The following GRID1 variants were observed in gnomAD, a reference collection of about 807,000 sequenced individuals.
GRID1 encodes glutamate receptor ionotropic, delta-1.
Under a neutral mutation model 98.0 loss-of-function variants are expected in GRID1, and 28 were observed. The ratio of observed to expected loss-of-function variants is 0.29; its 90% CI spans 0.21 to 0.39. GRID1 has a LOEUF of 0.39. Ranked by LOEUF, GRID1 falls within the 10% of genes least tolerant of loss-of-function variation. GRID1 has a pLI of 1.00. For missense variants in GRID1, 1,111 were observed against 1,340.5 expected (o/e 0.83, Z 2.67); for synonymous variants, 553 against 538.5 (o/e 1.03, Z -0.37).
intron 4 of GRID1, among the ~76,000 whole-genome samples, chr10:85,999,224 AAAAG>A (rs1554845411): frequency 7.3e-5 from 11 of 151,002 alleles, no homozygotes; most frequent in African/African-American, 1.2e-4. Flanking sequence ...AAAAAAAAAA[AAAAG>A]AAAGAAAGAA....
At chr10:85,649,756 G>A (rs777409784) in intron 12 of GRID1, among the ~76,000 whole-genome samples, 37 of 152,216 alleles carry the variant, frequency 2.4e-4, no homozygotes, top group South Asian at 1.0e-3. Flanking sequence ...CTCAGGGAAC[G>A]TCTCTGGTTA....
intron 4 of GRID1, among the ~76,000 whole-genome samples, chr10:86,129,055 G>A (rs1204235752): frequency 6.6e-6 from 1 of 152,220 alleles, no homozygotes; most frequent in African/African-American, 2.4e-5. Flanking sequence ...TCCCTGCCCT[G>A]TAGACAGAAA....
At chr10:85,604,819 T>G (rs1354307617) in intron 15 of GRID1, among the ~76,000 whole-genome samples, 1 of 152,244 alleles carries the variant, frequency 6.6e-6, no homozygotes, top group Admixed American at 6.5e-5. Context: ...ATAACCGTTA[T>G]ACAGTGTGTT....
At chr10:85,961,261 T>C (rs1842262901) in intron 4 of GRID1, among the ~76,000 whole-genome samples, 1 of 152,172 alleles carries the variant, frequency 6.6e-6, no homozygotes, top group Admixed American at 6.5e-5. Context: ...GGTTCTCCTC[T>C]GAGCCTGCCC....
intron 2 of GRID1, among the ~76,000 whole-genome samples, chr10:86,236,749 G>C (rs1055994995): frequency 6.6e-6 from 1 of 152,194 alleles, no homozygotes; most frequent in African/African-American, 2.4e-5. Context: ...ATGACAAGAC[G>C]TCTTGGCACA....
At chr10:85,738,723 G>A (rs552048352) in intron 8 of GRID1, among the ~76,000 whole-genome samples, 3 of 152,148 alleles carry the variant, frequency 2.0e-5, no homozygotes, top group African/African-American at 4.8e-5. Flanking sequence ...AAAGCATTAC[G>A]CCAAGTGAAT....
chr10:85,720,642 A>G (rs952890668), intron 12 of GRID1, among the ~76,000 whole-genome samples: 1 of 151,624 alleles, frequency 6.6e-6, no homozygotes, highest in African/African-American at 2.4e-5. Flanking sequence ...ACAAAAAAAA[A>G]AAAGAAAGAA....
chr10:86,122,131 C>T (rs1053007472), intron 4 of GRID1, among the ~76,000 whole-genome samples: 1 of 152,236 alleles, frequency 6.6e-6, no homozygotes, highest in African/African-American at 2.4e-5. Context: ...TACTCCAAGC[C>T]AGGCACTTCC....
At chr10:85,616,166 C>T (rs964754804) in intron 14 of GRID1, among the ~76,000 whole-genome samples, 11 of 152,224 alleles carry the variant, frequency 7.2e-5, no homozygotes, top group African/African-American at 2.7e-4. Context: ...CCAGCACTGA[C>T]ATGAGCGACC....
At chr10:85,727,779 C>A in intron 10 of GRID1, 76 bp downstream of exon 10, 3 of 1,096,500 alleles carry the variant, frequency 2.7e-6, no homozygotes, top group Admixed American at 3.5e-5. Context: ...TTCCACTGTG[C>A]AATTGGTCAA....
intron 8 of GRID1, among the ~76,000 whole-genome samples, chr10:85,769,857 G>A (rs1374489398): frequency 6.6e-6 from 1 of 152,232 alleles, no homozygotes; most frequent in Non-Finnish European, 1.5e-5. Flanking sequence ...ACAGCTCAAG[G>A]AGGCCTGCCT....
chr10:85,727,375 C>T (rs532032867), intron 10 of GRID1, among the ~76,000 whole-genome samples: 9 of 152,096 alleles, frequency 5.9e-5, no homozygotes, highest in Non-Finnish European at 5.9e-5. Flanking sequence ...GCAGTTTCTA[C>T]GGGAGGGAAG....
At chr10:86,295,583 AAG>A (rs1847577103) in intron 2 of GRID1, among the ~76,000 whole-genome samples, 1 of 152,176 alleles carries the variant, frequency 6.6e-6, no homozygotes, top group East Asian at 1.9e-4. Flanking sequence ...CAGATGCGGA[AAG>A]AGAGGGGAAG....
At chr10:85,875,258 A>G (rs970777763) in intron 5 of GRID1, among the ~76,000 whole-genome samples, 2 of 152,040 alleles carry the variant, frequency 1.3e-5, no homozygotes, top group Admixed American at 6.6e-5. Flanking sequence ...TAGATACCCT[A>G]TTTATTTCTA....
Position 85,862,103 on chromosome 10 carries a change from C to T in GRID1, c.952-5913G>A, listed in dbSNP as rs117313712. ...CACCCCTTGCCCCAGGCACAGTGAA[C>T]TCTTCCCCTGCTCTCTCAGGCCTCT... is the stretch of plus-strand genomic sequence containing the variant. On this transcript the variant is annotated intron_variant, in intron 6 of 15. Transcript: ENST00000327946. Among the ~76,000 whole-genome samples the T allele has an allele frequency of 7.2e-5, 11 of 152,330 alleles. No individual in the cohort carries two copies. In the East Asian group the frequency reaches 1.9e-3, roughly 27 times the overall value.
chr10:86,031,596 C>T (rs946350279), intron 4 of GRID1, among the ~76,000 whole-genome samples: 7 of 152,114 alleles, frequency 4.6e-5, no homozygotes, highest in African/African-American at 1.7e-4. Flanking sequence ...GCATCCAGAA[C>T]CTGACCACTG....
At chr10:85,900,113 T>A (rs1038468685) in intron 5 of GRID1, among the ~76,000 whole-genome samples, 5 of 152,158 alleles carry the variant, frequency 3.3e-5, no homozygotes, top group Admixed American at 6.5e-5. Flanking sequence ...GTTCTGGTGG[T>A]TTGAACTATC....
intron 4 of GRID1, among the ~76,000 whole-genome samples, chr10:86,002,195 A>G (rs1037602919): frequency 6.6e-6 from 1 of 152,220 alleles, no homozygotes; most frequent in African/African-American, 2.4e-5. Context: ...TTAAGTCTTC[A>G]ACACATCCAT....
chr10:85,854,687 A>G, intron 7 of GRID1, 72 bp from the exon 8 acceptor site: 6 of 1,526,480 alleles, frequency 3.9e-6, no homozygotes, highest in Admixed American at 1.7e-5. Context: ...GGCTAAGAGG[A>G]GCAAGGAAGT....
Sources: gnomAD v4.1 joint callset for allele counts (sites outside exome capture counted in the v4.1 genomes callset) on GRCh38, gnomAD v4.1.1 for gene constraint, MANE v1.5 for transcripts, NCBI Gene and HGNC (gene_info 2026-07-23, HGNC 2026-07-21) for gene names.